The following LSAMP variants were observed in gnomAD, a reference collection of about 807,000 sequenced individuals.
LSAMP encodes the protein limbic system associated membrane protein.
LSAMP carries 7 observed loss-of-function variants against 38.6 expected under a neutral mutation model. The observed-to-expected ratio is 0.18, with a 90% CI of 0.10 to 0.34. LSAMP has a LOEUF of 0.34. Among genes scored for constraint, LSAMP ranks in the 10% least tolerant of loss-of-function variants. The pLI, the probability that LSAMP is intolerant of heterozygous loss-of-function variation, is 1.00. For synonymous variants in LSAMP, 154 were observed against 166.8 expected (o/e 0.92, Z 0.59); for missense variants, 313 against 420.0 (o/e 0.75, Z 2.23).
chr3:116,300,714 ACTCCCC>A (rs2047395374), intron 1 of LSAMP, among the ~76,000 whole-genome samples: 1 of 151,432 alleles, frequency 6.6e-6, no homozygotes. Context: ...TCCCAAAACC[ACTCCCC>A]CTACCCCAGT....
rs189011914 is a variant in LSAMP at position 115,844,834 on chromosome 3, G to A, written c.650-2256C>T. On this transcript the variant is annotated intron_variant, in intron 4 of 6. Coordinates refer to ENST00000490035, the MANE Select transcript of LSAMP (RefSeq NM_002338.5). ...TCTACTAAAATACAAAAAACTAGCC[G>A]GGTGTGGTGGTGTGTACCTGTAGTC... Among the ~76,000 whole-genome samples the A allele has an allele frequency of 2.0e-4, 31 of 152,178 alleles. 1 individual carries two copies. The highest frequency in any genetic ancestry group is 5.5e-4 in the African/African-American group (23 of 41,516).
chr3:115,911,673 C>T (rs971794940), intron 3 of LSAMP, among the ~76,000 whole-genome samples: 1 of 152,280 alleles, frequency 6.6e-6, no homozygotes, highest in Non-Finnish European at 1.5e-5. Flanking sequence ...GACCATAACT[C>T]TCTCATTTAT....
At chr3:115,845,324 A>T (rs1048377656) in intron 4 of LSAMP, among the ~76,000 whole-genome samples, 4 of 152,170 alleles carry the variant, frequency 2.6e-5, no homozygotes, top group Non-Finnish European at 5.9e-5. Flanking sequence ...TTGCTTATGA[A>T]TTTTGTTTGT....
At chr3:115,886,126 C>T (rs1319121188) in intron 3 of LSAMP, among the ~76,000 whole-genome samples, 1 of 151,956 alleles carries the variant, frequency 6.6e-6, no homozygotes, top group Non-Finnish European at 1.5e-5. Context: ...ACTTGCCCTT[C>T]CTCTGCCTTT....
intron 3 of LSAMP, among the ~76,000 whole-genome samples, chr3:116,005,593 C>T (rs554149979): frequency 6.6e-5 from 10 of 152,318 alleles, no homozygotes; most frequent in South Asian, 6.2e-4. Context: ...CACTCTGACA[C>T]GCAGCAGCTG....
chr3:116,113,285 C>G (rs1005224019), intron 1 of LSAMP, among the ~76,000 whole-genome samples: 12 of 147,348 alleles, frequency 8.1e-5, no homozygotes, highest in Admixed American at 3.3e-4. Flanking sequence ...AAGTCATTCT[C>G]TCTCTTTATC....
intron 6 of LSAMP, among the ~76,000 whole-genome samples, chr3:115,825,199 G>A (rs1231819817): frequency 6.6e-6 from 1 of 152,054 alleles, no homozygotes; most frequent in Non-Finnish European, 1.5e-5. Context: ...AGGAGATAAG[G>A]GATTAAAAAA....
chr3:115,900,824 T>C (rs1207066284), intron 3 of LSAMP, among the ~76,000 whole-genome samples: 1 of 152,174 alleles, frequency 6.6e-6, no homozygotes, highest in Non-Finnish European at 1.5e-5. Context: ...GCACTCACAG[T>C]GGATTCTGCA....
chr3:115,879,466 T>C (rs1024479680), intron 3 of LSAMP, among the ~76,000 whole-genome samples: 8 of 152,160 alleles, frequency 5.3e-5, no homozygotes, highest in Admixed American at 5.2e-4. Flanking sequence ...TAAATTTATA[T>C]AGATGTTGTA....
chr3:116,185,604 A>G lies in LSAMP; in HGVS notation c.156-99048T>C, dbSNP rs561073286. Among the ~76,000 whole-genome samples, 182 of 152,148 alleles carry G rather than the reference A, an allele frequency of 1.2e-3. 1 individual carries two copies. The highest frequency in any genetic ancestry group is 3.1e-4 in the Non-Finnish European group (21 of 67,946). ...CTTCCTCATAGATTTTGCAGGCTAC[A>G]CTCATTATACTCTATTGGTTACCTT... On this transcript the variant is annotated intron_variant, in intron 1 of 6. Transcript: ENST00000490035.
intron 2 of LSAMP, among the ~76,000 whole-genome samples, chr3:116,071,791 C>T (rs573183232): frequency 6.6e-6 from 1 of 152,046 alleles, no homozygotes. Context: ...GTTGTTCCCC[C>T]TCAAGTGTCC....
chr3:115,881,279 T>C (rs1235875892), intron 3 of LSAMP, among the ~76,000 whole-genome samples: 3 of 152,120 alleles, frequency 2.0e-5, no homozygotes, highest in Non-Finnish European at 2.9e-5. Context: ...CTGGACACTC[T>C]TGAAAACCTC....
chr3:115,828,793 T>A (rs1430332334), intron 6 of LSAMP, among the ~76,000 whole-genome samples: 1 of 152,198 alleles, frequency 6.6e-6, no homozygotes, highest in African/African-American at 2.4e-5. Context: ...TTCTATCAAA[T>A]TAAAATTTAG....
intron 1 of LSAMP, among the ~76,000 whole-genome samples, chr3:116,425,850 G>GA (rs1243972125): frequency 1.5e-4 from 21 of 144,602 alleles, no homozygotes; most frequent in Non-Finnish European, 2.9e-4. Context: ...AAATAGATGG[G>GA]AAAAAAACCA....
At chr3:116,070,687 C>T (rs1454891972) in intron 2 of LSAMP, among the ~76,000 whole-genome samples, 1 of 152,202 alleles carries the variant, frequency 6.6e-6, no homozygotes, top group African/African-American at 2.4e-5. Flanking sequence ...CTTTGTTCCT[C>T]CTCCCTGAGA....
At chr3:115,913,471 C>A (rs1195572103) in intron 3 of LSAMP, among the ~76,000 whole-genome samples, 2 of 152,158 alleles carry the variant, frequency 1.3e-5, no homozygotes, top group East Asian at 3.9e-4. Context: ...GAGACTTTTG[C>A]TGGGTGCTTA....
At chr3:116,132,666 T>G (rs1380737234) in intron 1 of LSAMP, among the ~76,000 whole-genome samples, 1 of 152,250 alleles carries the variant, frequency 6.6e-6, no homozygotes, top group Non-Finnish European at 1.5e-5. Context: ...TCTTATTCTC[T>G]CCTTTTTCCC....
At chr3:116,074,372 C>T (rs758979093) in intron 2 of LSAMP, among the ~76,000 whole-genome samples, 2 of 152,096 alleles carry the variant, frequency 1.3e-5, no homozygotes, top group Non-Finnish European at 1.5e-5. Context: ...ATGAAATGAC[C>T]TTAACTTAAC....
At chr3:116,419,368 G>T (rs555129479) in intron 1 of LSAMP, among the ~76,000 whole-genome samples, 17 of 152,046 alleles carry the variant, frequency 1.1e-4, no homozygotes, top group African/African-American at 4.1e-4. Context: ...ATCATTTACC[G>T]ATTTCATTTG....
Sources: gnomAD v4.1 joint callset for allele counts (sites outside exome capture counted in the v4.1 genomes callset) on GRCh38, gnomAD v4.1.1 for gene constraint, MANE v1.5 for transcripts, NCBI Gene and HGNC (gene_info 2026-07-23, HGNC 2026-07-21) for gene names.